SCRT2: variants seen among roughly 807,000 people sequenced by gnomAD.
SCRT2 encodes scratch family transcriptional repressor 2.
Under a neutral mutation model 3.7 loss-of-function variants are expected in SCRT2, and 2 were observed. That is an observed-to-expected ratio of 0.54 (90% CI 0.22 to 1.70). SCRT2 has a LOEUF of 1.70. Among genes scored for constraint, SCRT2 ranks in the 40% most tolerant of loss-of-function variants. The pLI is 0.19. For missense variants in SCRT2, 456 were observed against 468.5 expected (o/e 0.97, Z 0.25); for synonymous variants, 256 against 220.6 (o/e 1.16, Z -1.42).
In SCRT2 at chr20:675,205, G is replaced by A. The variant is rs944363232; in HGVS notation, c.133+264C>T. On this transcript the variant is annotated intron_variant, in intron 1 of 1. Transcript: ENST00000246104. This position sits in a 1 kb window ranked among gnomAD's most constrained non-coding sequence, Gnocchi z 6.9. Reference sequence around the variant, plus strand: ...GTTCTCTTGCCACCCCCTCACTCTAGCCCTATTTGAGGGCCACAACTTTCA... The same window carrying A: ...GTTCTCTTGCCACCCCCTCACTCTAACCCTATTTGAGGGCCACAACTTTCA... Among the ~76,000 whole-genome samples, 1 of 152,168 alleles carries A rather than the reference G, an allele frequency of 6.6e-6. No homozygotes were observed.
rs1415508894 is a variant in SCRT2 at position 665,681 on chromosome 20, T to G, written c.134-1220A>C. ...TGGGGGCTGGGCTCCCTGGAGAGTT[T>G]CTGGCAGACAAACTTTTCATCCTGG... is the stretch of plus-strand genomic sequence containing the variant. On this transcript the variant is annotated intron_variant, in intron 1 of 1. Coordinates refer to ENST00000246104, the MANE Select transcript of SCRT2 (RefSeq NM_033129.4). The surrounding 1 kb of genome is among the most constrained non-coding windows in gnomAD (Gnocchi z 5.0). Among the ~76,000 whole-genome samples the G allele has an allele frequency of 1.3e-5, 2 of 152,194 alleles. No homozygotes were observed. The highest frequency in any genetic ancestry group is 1.3e-4 in the Admixed American group (2 of 15,282).
intron 1 of SCRT2, among the ~76,000 whole-genome samples, chr20:672,430 T>TGC (rs1984370106): frequency 6.7e-6 from 1 of 150,342 alleles, no homozygotes; most frequent in Non-Finnish European, 1.5e-5. Context: ...TGTGCGCGCG[T>TGC]GCGTGTGTGT....
At position 666,099 on chromosome 20, in the gene SCRT2, C is replaced by G. The variant is rs562889256; in HGVS notation, c.134-1638G>C. On this transcript the variant is annotated intron_variant, in intron 1 of 1. Coordinates refer to ENST00000246104, the MANE Select transcript of SCRT2 (RefSeq NM_033129.4). The surrounding 1 kb of genome is among the most constrained non-coding windows in gnomAD (Gnocchi z 4.4). ...ACCTCTGTCCCTTCAGCAGCCAGCA[C>G]AGGGCCCTCTGCACACAGAAGTCAT... Among the ~76,000 whole-genome samples the G allele has an allele frequency of 7.2e-4, 109 of 152,300 alleles. No homozygotes were observed. Among genetic ancestry groups the G allele is most frequent in the African/African-American group, 2.6e-3 (107 of 41,568 alleles).
rs1479595521 is a variant in SCRT2, at chr20:666,532, C to G, written c.134-2071G>C. ...CTCACTGAATCATCACAAAACTACT[C>G]TCATCACAGATAAGGAAACTGAGGG... On this transcript the variant is annotated intron_variant, in intron 1 of 1. Coordinates refer to ENST00000246104, the MANE Select transcript of SCRT2 (RefSeq NM_033129.4). The surrounding 1 kb of genome is among the most constrained non-coding windows in gnomAD (Gnocchi z 4.4). Among the ~76,000 whole-genome samples the G allele has an allele frequency of 2.0e-5, 3 of 152,208 alleles. No individual in the cohort carries two copies. Among genetic ancestry groups the G allele is most frequent in the African/African-American group, 7.2e-5 (3 of 41,450 alleles).
In SCRT2 at chr20:664,441, G is replaced by A. The variant is rs1023999536; in HGVS notation, c.154C>T (p.Pro52Ser). 20 of 1,284,296 alleles carry A rather than the reference G, an allele frequency of 1.6e-5. No homozygotes were observed. In the African/African-American group the frequency reaches 1.8e-4, roughly 12 times the overall value. The allele number at this position is 1,284,296 out of a possible 1,614,324, so 79.6% of individuals were successfully genotyped here. A position where few individuals can be genotyped will look rare whatever the true frequency, so the allele number is the denominator to read the frequency against. ...TGGTCCGCATCGTAGCTGCTCGGGG[G>A]CAGGCGGTGCGGGGCGTACCCTGGA... is the stretch of plus-strand genomic sequence containing the variant. ...GDNGYAPHRLPPSSYDADQKP... is the reference protein window; with the variant it reads ...GDNGYAPHRLSPSSYDADQKP... The change falls in exon 2 of 2, where the codon CCC becomes TCC. Residue 52 changes from proline to serine, a missense_variant. Around this residue, in one of 3 missense-constraint regions of SCRT2, gnomAD observed 306 missense variants for 305.3 expected, o/e 1.00. Coordinates refer to ENST00000246104, the MANE Select transcript of SCRT2 (RefSeq NM_033129.4). The surrounding 1 kb of genome is among the most constrained non-coding windows in gnomAD (Gnocchi z 7.9).
rs1032828076 is a variant in SCRT2, at chr20:675,622, C to G, written c.-21G>C. On this transcript the variant is annotated 5_prime_UTR_variant, in exon 1 of 2. Transcript: ENST00000246104. The surrounding 1 kb of genome is among the most constrained non-coding windows in gnomAD (Gnocchi z 6.9). ...GGCATGGCGCGGCCGGCGCGGGGCT[C>G]GGTGCGGGGAGGCGGCCGGCCGGGC... 7.0e-6 allele frequency: 9 copies of G among 1,276,724 alleles called. No homozygotes were observed. The highest frequency in any genetic ancestry group is 4.6e-5 in the African/African-American group (3 of 64,820). The allele number at this position is 1,276,724 out of a possible 1,614,324, so 79.1% of individuals were successfully genotyped here.
rs1983998584 is a variant in SCRT2, at chr20:662,724, A to G, written c.*947T>C. Reference sequence around the variant, plus strand: ...AGGTGCTCCAGACCTCCCCCCAACAAGTAAGGAAGGGGATCTGTGGCCCTG... The same window carrying G: ...AGGTGCTCCAGACCTCCCCCCAACAGGTAAGGAAGGGGATCTGTGGCCCTG... On this transcript the variant is annotated 3_prime_UTR_variant, in exon 2 of 2. Coordinates refer to ENST00000246104, the MANE Select transcript of SCRT2 (RefSeq NM_033129.4). The G allele has an allele frequency of 6.5e-6, 1 of 152,730 alleles. No homozygotes were observed. The highest frequency in any genetic ancestry group is 6.5e-5 in the Admixed American group (1 of 15,282). The allele number at this position is 152,730 out of a possible 1,614,324, so 9.5% of individuals were successfully genotyped here. A position where few individuals can be genotyped will look rare whatever the true frequency, so the allele number is the denominator to read the frequency against.
chr20:664,402 C>G lies in SCRT2; in HGVS notation c.193G>C (p.Glu65Gln), dbSNP rs1338179808. 1 of 1,384,436 alleles carries G rather than the reference C, an allele frequency of 7.2e-7. No homozygotes were observed. The highest frequency in any genetic ancestry group is 1.6e-5 in the South Asian group (1 of 64,258). 85.8% of individuals were successfully genotyped at this position (1,384,436 alleles called of 1,614,324 possible). A position where few individuals can be genotyped will look rare whatever the true frequency, so the allele number is the denominator to read the frequency against. Reference sequence around the variant, plus strand: ...TACGCGGGCTCGGCCGGGGCCAGCTCCAGGCCCGGCTTCTGGTCCGCATCG... The same window carrying G: ...TACGCGGGCTCGGCCGGGGCCAGCTGCAGGCCCGGCTTCTGGTCCGCATCG... ...SYDADQKPGL[E>Q]LAPAEPAYPP... Residue 65 changes from glutamate to glutamine, a missense_variant, in exon 2 of 2, where the codon GAG (glutamate) becomes CAG (glutamine). Physicochemically the swap from Glu to Gln is conservative, Grantham distance 29. Transcript: ENST00000246104. The surrounding 1 kb of genome is among the most constrained non-coding windows in gnomAD (Gnocchi z 7.9).
chr20:668,762 A>T lies in SCRT2; in HGVS notation c.134-4301T>A, dbSNP rs966070864. On this transcript the variant is annotated intron_variant, in intron 1 of 1. Coordinates refer to ENST00000246104, the MANE Select transcript of SCRT2 (RefSeq NM_033129.4). Reference sequence around the variant, plus strand: ...CTTTTTAAAAATCGGTACTCAAAGGAGTGGTGAAAGGGAAATTTATGAGAA... The same window carrying T: ...CTTTTTAAAAATCGGTACTCAAAGGTGTGGTGAAAGGGAAATTTATGAGAA... Among the ~76,000 whole-genome samples, 35 of 152,278 alleles carry T rather than the reference A, an allele frequency of 2.3e-4. 1 individual carries two copies. The highest frequency in any genetic ancestry group is 2.0e-3 in the Admixed American group (31 of 15,302).
rs1430441412 is a variant in SCRT2 at position 663,733 on chromosome 20, C to T, written c.862G>A (p.Glu288Lys). 1 of 1,554,232 alleles carries T rather than the reference C, an allele frequency of 6.4e-7. No individual in the cohort carries two copies. Among genetic ancestry groups the T allele is most frequent in the Non-Finnish European group, 8.7e-7 (1 of 1,152,828 alleles). Residue 288 changes from glutamate (E) to lysine (K), a missense_variant, in exon 2 of 2, where the codon GAG becomes AAG. Glu to Lys is a moderately conservative substitution (Grantham distance 56). This residue lies in a region of SCRT2 where 144 missense variants were observed against 141.9 expected (regional missense o/e 1.01). Coordinates refer to ENST00000246104, the MANE Select transcript of SCRT2 (RefSeq NM_033129.4). This position sits in a 1 kb window ranked among gnomAD's most constrained non-coding sequence, Gnocchi z 6.9. ...TCGGCCGCCTTGGCGCAGGCCGCCT[C>T]GCAGTGCTTGTGGAGGTAGGACTTG... is the stretch of plus-strand genomic sequence containing the variant. Reference protein sequence around the residue: ...ALKSYLHKHCEAACAKAAEPP... With the variant: ...ALKSYLHKHCKAACAKAAEPP...
rs1374866757 is a variant in SCRT2, at chr20:675,480, G to C, written c.122C>G (p.Pro41Arg). ...CGGGTCCCACTCACCGTTGTCCCCG[G>C]GAGGCCCCCGGGCGCCAGGCAGCAC... ...AYVLPGARGP[P>R]GDNGYAPHRL... The change falls in exon 1 of 2, where the codon CCC (proline) becomes CGC (arginine). Residue 41 changes from proline to arginine, a missense_variant. Pro to Arg is a moderately radical substitution (Grantham distance 103). This residue lies in a region of SCRT2 where 306 missense variants were observed against 305.3 expected (regional missense o/e 1.00). Coordinates refer to ENST00000246104, the MANE Select transcript of SCRT2 (RefSeq NM_033129.4). The surrounding 1 kb of genome is among the most constrained non-coding windows in gnomAD (Gnocchi z 6.9). The C allele has an allele frequency of 7.4e-7, 1 of 1,351,578 alleles. No individual in the cohort carries two copies. The allele number at this position is 1,351,578 out of a possible 1,614,324, so 83.7% of individuals were successfully genotyped here.
chr20:675,671 T>C lies in SCRT2; in HGVS notation c.-70A>G. On this transcript the variant is annotated 5_prime_UTR_variant, in exon 1 of 2. Transcript: ENST00000246104. This position sits in a 1 kb window ranked among gnomAD's most constrained non-coding sequence, Gnocchi z 6.9. ...GCGCGATCGGCTGTGTCCGCGCGGG[T>C]TTTCAGCACTGGACAGCTCCCAGCG... The C allele has an allele frequency of 8.8e-7, 1 of 1,133,872 alleles. No homozygotes were observed. The highest frequency in any genetic ancestry group is 1.1e-6 in the Non-Finnish European group (1 of 892,766). 70.2% of individuals were successfully genotyped at this position (1,133,872 alleles called of 1,614,324 possible). A position where few individuals can be genotyped will look rare whatever the true frequency, so the allele number is the denominator to read the frequency against.
Position 664,310 on chromosome 20 carries a change from G to A in SCRT2, c.285C>T (p.Tyr95=), listed in dbSNP as rs199727402. The part of the protein sequence containing the change: ...ESPQSSLSAR[Y]FRGEAAVTDS... ...CGGTCACTGCCGCCTCCCCTCGGAA[G>A]TAGCGCGCCGACAGGCTCGACTGCG... The change falls in exon 2 of 2, where the codon TAC becomes TAT. Residue 95 remains tyrosine (Y), a synonymous_variant. Coordinates refer to ENST00000246104, the MANE Select transcript of SCRT2 (RefSeq NM_033129.4). The surrounding 1 kb of genome is among the most constrained non-coding windows in gnomAD (Gnocchi z 7.9). 8.2e-4 allele frequency: 1,236 copies of A among 1,505,664 alleles called. No individual in the cohort carries two copies. Among genetic ancestry groups the A allele is most frequent in the Non-Finnish European group, 9.8e-4 (1,094 of 1,117,500 alleles). The allele number at this position is 1,505,664 out of a possible 1,614,324, so 93.3% of individuals were successfully genotyped here. A position where few individuals can be genotyped will look rare whatever the true frequency, so the allele number is the denominator to read the frequency against.
chr20:675,729 A>C lies in SCRT2; in HGVS notation c.-128T>G. 4.3e-5 allele frequency: 22 copies of C among 517,358 alleles called. No homozygotes were observed. Among genetic ancestry groups the C allele is most frequent in the East Asian group, 6.1e-5 (1 of 16,380 alleles). The allele number at this position is 517,358 out of a possible 1,614,324, so 32.0% of individuals were successfully genotyped here. On this transcript the variant is annotated 5_prime_UTR_variant, in exon 1 of 2. Transcript: ENST00000246104. The surrounding 1 kb of genome is among the most constrained non-coding windows in gnomAD (Gnocchi z 6.9). ...GCGCGGGAGGCCGCTCGGAGCCGGCACCGGTGGCGGCGGCCCCGGCTCGGG... is the reference window on the plus strand; with the variant it reads ...GCGCGGGAGGCCGCTCGGAGCCGGCCCCGGTGGCGGCGGCCCCGGCTCGGG...
In SCRT2 at chr20:663,950, G is replaced by C; in HGVS notation, c.645C>G (p.Gly215=). The C allele has an allele frequency of 6.2e-7, 1 of 1,609,614 alleles. No individual in the cohort carries two copies. ...GCCGCGAGAAGGCCTTGCCGCAGAC[G>C]CCGCACTTGTGGCGCAGGTTGTGCG... ...LLTHNLRHKC[G]VCGKAFSRPW... Residue 215 remains glycine (G), a synonymous_variant, in exon 2 of 2, where the codon GGC becomes GGG. Coordinates refer to ENST00000246104, the MANE Select transcript of SCRT2 (RefSeq NM_033129.4). The surrounding 1 kb of genome is among the most constrained non-coding windows in gnomAD (Gnocchi z 6.9).
rs759174037 is a variant in SCRT2, at chr20:664,212, TCCCCGCCGC to T, written c.374_382del (p.Gly125_Gly127del). ...CCCCGCGTCTCCCGAGCCCCCCGCG[TCCCCGCCGC>T]CCCCGCCCCGCCGCCGCCGCGAGCG... On this transcript the variant is annotated inframe_deletion, in exon 2 of 2. Coordinates refer to ENST00000246104, the MANE Select transcript of SCRT2 (RefSeq NM_033129.4). This position sits in a 1 kb window ranked among gnomAD's most constrained non-coding sequence, Gnocchi z 7.9. The T allele has an allele frequency of 5.9e-6, 7 of 1,178,262 alleles. No homozygotes were observed. In the Admixed American group the frequency reaches 2.6e-4, roughly 43 times the overall value. 73.0% of individuals were successfully genotyped at this position (1,178,262 alleles called of 1,614,324 possible).
At position 663,783 on chromosome 20, in the gene SCRT2, C is replaced by G; in HGVS notation, c.812G>C (p.Arg271Pro). The G allele has an allele frequency of 2.5e-6, 4 of 1,590,912 alleles. No homozygotes were observed. The highest frequency in any genetic ancestry group is 2.3e-5 in the East Asian group (1 of 44,080). ...THSAFKHYRC[R>P]QCDKSFALKS... The stretch of plus-strand genomic sequence containing the variant: ...GAGCGCGAAGCTCTTGTCGCACTGG[C>G]GGCAGCGGTAGTGCTTGAAGGCCGA... The change falls in exon 2 of 2, where the codon CGC becomes CCC. Residue 271 changes from arginine to proline, a missense_variant. By Grantham distance (103) the Arg-to-Pro change is moderately radical (BLOSUM62 -2). Coordinates refer to ENST00000246104, the MANE Select transcript of SCRT2 (RefSeq NM_033129.4). This position sits in a 1 kb window ranked among gnomAD's most constrained non-coding sequence, Gnocchi z 6.9.
At chr20:672,436 T>C (rs982926486) in intron 1 of SCRT2, among the ~76,000 whole-genome samples, 21 of 151,848 alleles carry the variant, frequency 1.4e-4, no homozygotes, top group South Asian at 4.2e-4. Context: ...CGCGTGCGTG[T>C]GTGTGTATGG....
chr20:663,690 G>A lies in SCRT2; in HGVS notation c.905C>T (p.Pro302Leu). The change falls in exon 2 of 2, where the codon CCC (proline) becomes CTC (leucine). Residue 302 changes from proline (P) to leucine (L), a missense_variant. By Grantham distance (98) the Pro-to-Leu change is moderately conservative. This residue lies in a region of SCRT2 where 144 missense variants were observed against 141.9 expected (regional missense o/e 1.01). Coordinates refer to ENST00000246104, the MANE Select transcript of SCRT2 (RefSeq NM_033129.4). The surrounding 1 kb of genome is among the most constrained non-coding windows in gnomAD (Gnocchi z 6.9). ...GAAGGCTCAGCTGGCCGGGCCGGCG[G>A]GGGTCGGCGGGGGTGGCTCGGCCGC... Reference protein sequence around the residue: ...AKAAEPPPPTPAGPAS With the variant: ...AKAAEPPPPTLAGPAS The A allele has an allele frequency of 6.6e-7, 1 of 1,506,526 alleles. No homozygotes were observed. Among genetic ancestry groups the A allele is most frequent in the Non-Finnish European group, 8.9e-7 (1 of 1,128,788 alleles). 93.3% of individuals were successfully genotyped at this position (1,506,526 alleles called of 1,614,324 possible).
Sources: gnomAD v4.1 joint callset for allele counts (sites outside exome capture counted in the v4.1 genomes callset) on GRCh38, gnomAD v4.1.1 for gene constraint, gnomAD v4.1.1 regional missense constraint, Gnocchi (gnomAD v3.1) non-coding constraint, MANE v1.5 for transcripts, NCBI Gene and HGNC (gene_info 2026-07-23, HGNC 2026-07-21) for gene names.